SH3RF1: variants seen among roughly 807,000 people sequenced by gnomAD.
SH3RF1 encodes E3 ubiquitin-protein ligase SH3RF1.
In SH3RF1, 32 loss-of-function variants were observed where a neutral mutation model predicts 74.0. The observed-to-expected ratio is 0.43, with a 90% confidence interval of 0.33 to 0.58. The LOEUF is 0.58. Ranked by LOEUF, SH3RF1 falls within the 20% of genes least tolerant of loss-of-function variation. The pLI, the probability that SH3RF1 is intolerant of heterozygous loss-of-function variation, is 0.05. For missense variants in SH3RF1, 954 were observed against 1,130.9 expected (o/e 0.84, Z 2.24); for synonymous variants, 396 against 439.6 (o/e 0.90, Z 1.24).
At chr4:169,165,948 A>G (rs1734235104) in intron 2 of SH3RF1, among the ~76,000 whole-genome samples, 1 of 152,160 alleles carries the variant, frequency 6.6e-6, no homozygotes, top group African/African-American at 2.4e-5. Context: ...CTCACACTAT[A>G]CACAAAAATT....
At position 169,122,133 on chromosome 4, in the gene SH3RF1, A is replaced by T. The variant is rs542963680; in HGVS notation, c.1313T>A (p.Ile438Asn). Residue 438 changes from isoleucine (I) to asparagine (N), a missense_variant, in exon 7 of 12, where the codon ATT becomes AAT. By Grantham distance (149) the Ile-to-Asn change is moderately radical. Around this residue, in one of 3 missense-constraint regions of SH3RF1, gnomAD observed 854 missense variants for 962.5 expected, o/e 0.89. Transcript: ENST00000284637. ...PRPMAGSTDQIAHLRPQTRPS... is the reference protein window; with the variant it reads ...PRPMAGSTDQNAHLRPQTRPS... ...GCGAGTCTGCGGCCGTAAATGTGCAATCTGGTCAGTGGATCCTGCCATGGG... is the reference window on the plus strand; with the variant it reads ...GCGAGTCTGCGGCCGTAAATGTGCATTCTGGTCAGTGGATCCTGCCATGGG... 6.2e-7 allele frequency: 1 copy of T among 1,612,904 alleles called. No individual in the cohort carries two copies. The highest frequency in any genetic ancestry group is 8.5e-7 in the Non-Finnish European group (1 of 1,180,036).
rs1225805704 is a variant in SH3RF1 at position 169,268,854 on chromosome 4, T to G, written c.359A>C (p.Gln120Pro). 4 of 1,609,238 alleles carry G rather than the reference T, an allele frequency of 2.5e-6. No individual in the cohort carries two copies. The highest frequency in any genetic ancestry group is 3.4e-6 in the Non-Finnish European group (4 of 1,178,326). The change falls in exon 2 of 12, where the codon CAG becomes CCG. Residue 120 changes from glutamine to proline, a missense_variant. By Grantham distance (76) the Gln-to-Pro change is moderately conservative. This residue lies in a region of SH3RF1 where 854 missense variants were observed against 962.5 expected (regional missense o/e 0.89). Transcript: ENST00000284637. Reference sequence around the variant, plus strand: ...GGGGCTCCAGGATTGCACCCGAGGCTGCTGTCCGCCCTGGGAGCTCTGCAG... The same window carrying G: ...GGGGCTCCAGGATTGCACCCGAGGCGGCTGTCCGCCCTGGGAGCTCTGCAG... ...KDLQSSQGGQ[Q>P]PRVQSWSPPV...
intron 2 of SH3RF1, among the ~76,000 whole-genome samples, chr4:169,162,205 A>G (rs934318977): frequency 6.6e-6 from 1 of 152,234 alleles, no homozygotes; most frequent in African/African-American, 2.4e-5. Context: ...AACAAAAAAC[A>G]TGTTGGCTTT....
intron 6 of SH3RF1, among the ~76,000 whole-genome samples, chr4:169,124,714 A>G (rs1733496909): frequency 1.3e-5 from 2 of 152,244 alleles, no homozygotes; most frequent in Admixed American, 1.3e-4. Context: ...TGGTGAAATG[A>G]TAGGGTTCTG....
At chr4:169,100,449 T>G in intron 11 of SH3RF1, among the ~76,000 whole-genome samples, 1 of 152,070 alleles carries the variant, frequency 6.6e-6, no homozygotes, top group African/African-American at 2.4e-5. Flanking sequence ...TCAAGCAATT[T>G]TCCTGCCTCA....
intron 4 of SH3RF1, among the ~76,000 whole-genome samples, chr4:169,148,573 TA>T (rs1425354116): frequency 2.6e-5 from 4 of 152,186 alleles, no homozygotes; most frequent in Non-Finnish European, 5.9e-5. Context: ...ATAAAATCAT[TA>T]AAAATATCCT....
At chr4:169,247,430 G>C (rs1731020233) in intron 2 of SH3RF1, among the ~76,000 whole-genome samples, 1 of 152,222 alleles carries the variant, frequency 6.6e-6, no homozygotes, top group Non-Finnish European at 1.5e-5. Context: ...GGAAGCCACA[G>C]AGCTGCAGGC....
intron 4 of SH3RF1, among the ~76,000 whole-genome samples, chr4:169,150,586 C>T (rs558413920): frequency 7.9e-5 from 12 of 152,224 alleles, no homozygotes; most frequent in African/African-American, 2.9e-4. Context: ...GAACTTACTC[C>T]TCCTACATAA....
chr4:169,245,817 C>G (rs1042876266), intron 2 of SH3RF1, among the ~76,000 whole-genome samples: 2 of 152,040 alleles, frequency 1.3e-5, no homozygotes, highest in African/African-American at 4.8e-5. Context: ...TTACCAGAAA[C>G]CAAAGGAAGG....
chr4:169,256,386 C>T (rs1326773181), intron 2 of SH3RF1, among the ~76,000 whole-genome samples: 2 of 151,914 alleles, frequency 1.3e-5, no homozygotes, highest in African/African-American at 4.8e-5. Context: ...ACAGATGAGG[C>T]CCAGAGAAGC....
chr4:169,237,610 C>T (rs569858571), intron 2 of SH3RF1, among the ~76,000 whole-genome samples: 14 of 152,270 alleles, frequency 9.2e-5, no homozygotes, highest in African/African-American at 3.4e-4. Context: ...AGCTGAATCA[C>T]AGGTACAGTA....
At chr4:169,206,968 T>C (rs1730273640) in intron 2 of SH3RF1, among the ~76,000 whole-genome samples, 1 of 145,016 alleles carries the variant, frequency 6.9e-6, no homozygotes, top group South Asian at 2.1e-4. Flanking sequence ...CCCATTTCTC[T>C]TTTTTTTTTG....
rs139668450 is a variant in SH3RF1 at position 169,270,667 on chromosome 4, G to T, written c.-96+192C>A. 1.8e-3 allele frequency: 279 copies of T among 152,366 alleles called. 6 individuals are homozygous for T. The East Asian group carries it at 0.025, about 14-fold the overall frequency. 9.4% of individuals were successfully genotyped at this position (152,366 alleles called of 1,614,324 possible). ...CGGAGCCCTGGCAGCTTCCTGCCCG[G>T]AGAAGGCAGAGGCCGCGGGCTGCTC... On this transcript the variant is annotated intron_variant, in intron 1 of 11. Coordinates refer to ENST00000284637, the MANE Select transcript of SH3RF1 (RefSeq NM_020870.4).
chr4:169,131,553 A>C (rs1733621307), intron 5 of SH3RF1, among the ~76,000 whole-genome samples: 1 of 152,228 alleles, frequency 6.6e-6, no homozygotes, highest in African/African-American at 2.4e-5. Flanking sequence ...TTCAAAGTGG[A>C]CATGAGGCAG....
chr4:169,101,244 T>A lies in SH3RF1; in HGVS notation c.2499-4557A>T, dbSNP rs1283063924. On this transcript the variant is annotated intron_variant, in intron 11 of 11. Transcript: ENST00000284637. ...GGCAAAAAGAAAAAGCCTAGTTGTA[T>A]AGAAAAACTGTTTTTTAAAATGTAC... 5.9e-5 allele frequency among the ~76,000 whole-genome samples: 9 copies of A among 152,306 alleles called. No individual in the cohort carries two copies. In the East Asian group the frequency reaches 1.2e-3, roughly 20 times the overall value.
At chr4:169,114,636 A>G (rs2126942069) in intron 10 of SH3RF1, among the ~76,000 whole-genome samples, 1 of 152,344 alleles carries the variant, frequency 6.6e-6, no homozygotes, top group East Asian at 1.9e-4. Flanking sequence ...ACACATTGTC[A>G]TCAAGCCTTA....
At chr4:169,106,311 G>A (rs547477396) in intron 11 of SH3RF1, among the ~76,000 whole-genome samples, 90 of 151,876 alleles carry the variant, frequency 5.9e-4, no homozygotes, top group Middle Eastern at 3.4e-3. Flanking sequence ...GTTTTACCAT[G>A]TTGCTGGGAT....
chr4:169,122,261 C>T lies in SH3RF1; in HGVS notation c.1185G>A (p.Leu395=). The change falls in exon 7 of 12, where the codon TTG becomes TTA. Residue 395 remains leucine (L), a synonymous_variant. Coordinates refer to ENST00000284637, the MANE Select transcript of SH3RF1 (RefSeq NM_020870.4). ...GAGGGGGTGGTGGAAGAGGAGGATT[C>T]AAAGTCTAGTATAGGAAAAACATAA... The part of the protein sequence containing the change: ...DVPYQAALGT[L]NPPLPPPPLL... 6.3e-7 allele frequency: 1 copy of T among 1,588,288 alleles called. No homozygotes were observed. The highest frequency in any genetic ancestry group is 8.6e-7 in the Non-Finnish European group (1 of 1,166,310).
At chr4:169,267,016 G>C (rs907292432) in intron 2 of SH3RF1, among the ~76,000 whole-genome samples, 4 of 152,160 alleles carry the variant, frequency 2.6e-5, no homozygotes, top group Non-Finnish European at 5.9e-5. Context: ...GAAGAAACAT[G>C]AAGTAAATTA....
Sources: gnomAD v4.1 joint callset for allele counts (sites outside exome capture counted in the v4.1 genomes callset) on GRCh38, gnomAD v4.1.1 for gene constraint, gnomAD v4.1.1 regional missense constraint, MANE v1.5 for transcripts, NCBI Gene and HGNC (gene_info 2026-07-23, HGNC 2026-07-21) for gene names.